SHISA9: variants seen among roughly 807,000 people sequenced by gnomAD.
SHISA9 encodes shisa family member 9.
In SHISA9, 13 loss-of-function variants were observed where a neutral mutation model predicts 38.0. The observed-to-expected ratio is 0.34, with a 90% CI of 0.22 to 0.54. SHISA9 has a LOEUF of 0.54. SHISA9 is among the 20% of genes least tolerant of loss of function. The pLI is 0.91. For synonymous variants in SHISA9, 275 were observed against 242.0 expected (o/e 1.14, Z -1.27); for missense variants, 538 against 575.8 (o/e 0.93, Z 0.67).
intron 2 of SHISA9, among the ~76,000 whole-genome samples, chr16:13,022,208 G>T (rs559754956): frequency 6.6e-6 from 1 of 152,078 alleles, no homozygotes; most frequent in Non-Finnish European, 1.5e-5. Flanking sequence ...CTGGAGTGCA[G>T]TGACTCAATC....
chr16:13,187,634 C>T (rs1017941667), intron 2 of SHISA9, among the ~76,000 whole-genome samples: 1 of 152,142 alleles, frequency 6.6e-6, no homozygotes, highest in East Asian at 1.9e-4. Context: ...TGCGCCCAGC[C>T]CATCTGGGGA....
chr16:13,383,537 G>A, the SHISA9 span, among the ~76,000 whole-genome samples: 1 of 152,182 alleles, frequency 6.6e-6, no homozygotes, highest in Admixed American at 6.5e-5. Flanking sequence ...CAAGAAACTG[G>A]CAATAGTGAT....
chr16:13,450,586 C>T, the SHISA9 span, among the ~76,000 whole-genome samples: 2 of 152,204 alleles, frequency 1.3e-5, no homozygotes, highest in African/African-American at 4.8e-5. Context: ...CTGCTATATG[C>T]AGACACAATT....
intron 2 of SHISA9, among the ~76,000 whole-genome samples, chr16:13,033,069 G>A (rs192189780): frequency 2.0e-4 from 31 of 152,266 alleles, no homozygotes; most frequent in African/African-American, 6.5e-4. Flanking sequence ...TTCCTGGTTC[G>A]CAACCATACA....
chr16:13,328,343 T>A, the SHISA9 span, among the ~76,000 whole-genome samples: 2 of 152,232 alleles, frequency 1.3e-5, no homozygotes, highest in Admixed American at 6.5e-5. Context: ...GGTCTGCAGA[T>A]TCAGCTACCC....
At chr16:13,472,376 A>ATTTT in the SHISA9 span, among the ~76,000 whole-genome samples, 56 of 113,466 alleles carry the variant, frequency 4.9e-4, 3 homozygotes, top group African/African-American at 1.9e-3. Context: ...CGCTCTGCTA[A>ATTTT]ATTTTTTTTT....
chr16:13,356,596 A>T, the SHISA9 span, among the ~76,000 whole-genome samples: 2 of 152,142 alleles, frequency 1.3e-5, no homozygotes, highest in Non-Finnish European at 1.5e-5. Flanking sequence ...AAGGATTGGG[A>T]CCTAGCTCGG....
At chr16:13,096,518 G>T (rs1171155456) in intron 2 of SHISA9, among the ~76,000 whole-genome samples, 1 of 152,194 alleles carries the variant, frequency 6.6e-6, no homozygotes, top group Non-Finnish European at 1.5e-5. Context: ...CAAGACTCAT[G>T]CTGAAGCTGA....
chr16:13,066,528 C>A lies in SHISA9; in HGVS notation c.692-136866C>A, dbSNP rs2073436669. Among the ~76,000 whole-genome samples, 2 of 152,174 alleles carry A rather than the reference C, an allele frequency of 1.3e-5. 1 individual carries two copies. The highest frequency in any genetic ancestry group is 4.1e-4 in the South Asian group (2 of 4,828). ...TCTGGAGTGCCCAGTACGTGCTAGG[C>A]ACTCAATGAATATATGTATTGAATG... On this transcript the variant is annotated intron_variant, in intron 2 of 4. Coordinates refer to ENST00000558583, the MANE Select transcript of SHISA9 (RefSeq NM_001145204.3).
At chr16:12,973,091 G>T (rs2072106480) in intron 2 of SHISA9, among the ~76,000 whole-genome samples, 1 of 152,160 alleles carries the variant, frequency 6.6e-6, no homozygotes, top group Admixed American at 6.5e-5. Flanking sequence ...ACTCCAGCCT[G>T]GGCAACAGAG....
the SHISA9 span, among the ~76,000 whole-genome samples, chr16:13,452,125 G>A: frequency 2.0e-5 from 3 of 152,296 alleles, no homozygotes; most frequent in South Asian, 6.2e-4. Flanking sequence ...TGGCAACCTG[G>A]GGCTGGGGCC....
At chr16:13,221,034 G>GAA (rs10665930) in intron 4 of SHISA9, among the ~76,000 whole-genome samples, 66,961 of 147,102 alleles carry the variant, frequency 0.46, 15,915 homozygotes, top group East Asian at 0.75. Context: ...TGGGATTTTA[G>GAA]AAAAAAAAAA....
intron 2 of SHISA9, among the ~76,000 whole-genome samples, chr16:13,195,148 T>G (rs902755185): frequency 6.6e-6 from 1 of 152,210 alleles, no homozygotes; most frequent in South Asian, 2.1e-4. Flanking sequence ...GATTTTGGTT[T>G]CTAATATTAT....
the SHISA9 span, among the ~76,000 whole-genome samples, chr16:13,530,144 CA>C: frequency 6.6e-6 from 1 of 152,002 alleles, no homozygotes; most frequent in Non-Finnish European, 1.5e-5. Context: ...ACTAAAAATA[CA>C]AAAAAATTAG....
At chr16:12,977,855 T>C (rs1452596918) in intron 2 of SHISA9, among the ~76,000 whole-genome samples, 1 of 151,764 alleles carries the variant, frequency 6.6e-6, no homozygotes, top group Admixed American at 6.6e-5. Flanking sequence ...TCAGCAAAAA[T>C]AGCTAATGCA....
chr16:12,904,770 A>G (rs2071070794), intron 1 of SHISA9, among the ~76,000 whole-genome samples: 1 of 152,194 alleles, frequency 6.6e-6, no homozygotes, highest in South Asian at 2.1e-4. Flanking sequence ...ACTGCTGTGT[A>G]GTATTACCTA....
chr16:13,182,648 G>A (rs1216173101), intron 2 of SHISA9, among the ~76,000 whole-genome samples: 2 of 152,154 alleles, frequency 1.3e-5, no homozygotes, highest in African/African-American at 4.8e-5. Flanking sequence ...ATGTTTTTCT[G>A]ATGTCATTGC....
At chr16:13,484,058 G>T in the SHISA9 span, among the ~76,000 whole-genome samples, 12 of 152,252 alleles carry the variant, frequency 7.9e-5, no homozygotes, top group South Asian at 2.3e-3. Flanking sequence ...GGCAGTCTTG[G>T]TAACTGAGCC....
chr16:13,072,482 T>C (rs1222467948), intron 2 of SHISA9, among the ~76,000 whole-genome samples: 1 of 152,126 alleles, frequency 6.6e-6, no homozygotes, highest in Non-Finnish European at 1.5e-5. Flanking sequence ...GAGGCCTTCC[T>C]GCTGTCTTGT....
Sources: allele counts gnomAD v4.1 joint callset (sites outside exome capture counted in the v4.1 genomes callset), GRCh38; gene constraint gnomAD v4.1.1; transcripts MANE v1.5; gene names NCBI Gene and HGNC (gene_info 2026-07-23, HGNC 2026-07-21).